The following PCDH15 variants were observed in gnomAD, a reference collection of about 807,000 sequenced individuals.
PCDH15 encodes protocadherin-15.
A neutral mutation model predicts 178.5 loss-of-function variants in PCDH15; 129 were observed. That is an observed-to-expected ratio of 0.72 (90% CI 0.63 to 0.84). The LOEUF (loss-of-function observed/expected upper bound fraction) is 0.84, where lower values mean the gene tolerates loss of function less well. Ranked by LOEUF, PCDH15 falls within the 40% of genes least tolerant of loss-of-function variation. PCDH15 has a pLI of 0.00. For synonymous variants in PCDH15, 800 were observed against 732.0 expected (o/e 1.09, Z -1.50); for missense variants, 2,230 against 2,099.9 (o/e 1.06, Z -1.21).
At chr10:54,134,709 C>A (rs1043234374) in intron 14 of PCDH15, among the ~76,000 whole-genome samples, 11 of 149,462 alleles carry the variant, frequency 7.4e-5, no homozygotes, top group Admixed American at 4.7e-4. Flanking sequence ...GCCAAGATTG[C>A]GCCACTGCAC....
chr10:54,692,482 T>A (rs117062321), intron 1 of PCDH15, among the ~76,000 whole-genome samples: 1,928 of 152,320 alleles, frequency 0.013, 28 homozygotes, highest in South Asian at 0.036. Context: ...TCTGAAATCA[T>A]AGTCTTTGTA....
At chr10:54,406,436 T>C (rs1952676640) in intron 3 of PCDH15, among the ~76,000 whole-genome samples, 1 of 152,144 alleles carries the variant, frequency 6.6e-6, no homozygotes, top group Non-Finnish European at 1.5e-5. Context: ...GGGACACATA[T>C]GAGGTGTCTG....
At chr10:54,215,147 A>G (rs907371824) in intron 9 of PCDH15, among the ~76,000 whole-genome samples, 1 of 151,646 alleles carries the variant, frequency 6.6e-6, no homozygotes, top group African/African-American at 2.4e-5. Flanking sequence ...AATCATTTAC[A>G]TTTTACAGAT....
chr10:53,881,901 A>C (rs2080746898), intron 26 of PCDH15, among the ~76,000 whole-genome samples: 2 of 152,130 alleles, frequency 1.3e-5, no homozygotes, highest in Non-Finnish European at 2.9e-5. Flanking sequence ...AGTTGGCCCC[A>C]AAACAATTTA....
chr10:55,611,628 T>C (rs1466735814), intron 2 of PCDH15, among the ~76,000 whole-genome samples: 2 of 152,002 alleles, frequency 1.3e-5, no homozygotes, highest in Non-Finnish European at 2.9e-5. Context: ...ATAATTACTA[T>C]ATGACCCAGA....
At chr10:55,393,500 G>C (rs903615741) in intron 2 of PCDH15, among the ~76,000 whole-genome samples, 1 of 152,110 alleles carries the variant, frequency 6.6e-6, no homozygotes, top group Non-Finnish European at 1.5e-5. Context: ...TGTAAACTGA[G>C]AGACCAAAAC....
At chr10:54,290,737 G>A (rs1380049828) in intron 8 of PCDH15, among the ~76,000 whole-genome samples, 2 of 152,122 alleles carry the variant, frequency 1.3e-5, no homozygotes, top group Admixed American at 1.3e-4. Flanking sequence ...AAAAGCAGGG[G>A]TTGCAATCTT....
At chr10:54,604,200 G>C (rs1190673380) in intron 2 of PCDH15, among the ~76,000 whole-genome samples, 2 of 151,898 alleles carry the variant, frequency 1.3e-5, no homozygotes, top group African/African-American at 2.4e-5. Context: ...TCTAATAGGT[G>C]ATCTATTGTG....
chr10:54,272,446 A>G (rs1245792936), intron 8 of PCDH15, among the ~76,000 whole-genome samples: 2 of 152,104 alleles, frequency 1.3e-5, no homozygotes, highest in African/African-American at 4.8e-5. Flanking sequence ...AATTAAAATT[A>G]TTTCTGTCAG....
At chr10:54,695,385 T>A (rs2095206373) in intron 1 of PCDH15, among the ~76,000 whole-genome samples, 1 of 152,130 alleles carries the variant, frequency 6.6e-6, no homozygotes, top group Non-Finnish European at 1.5e-5. Context: ...TGCAGATGTT[T>A]GAAGTTAGCA....
chr10:55,021,676 G>T (rs1223887095), intron 2 of PCDH15, among the ~76,000 whole-genome samples: 1 of 152,180 alleles, frequency 6.6e-6, no homozygotes, highest in Non-Finnish European at 1.5e-5. Flanking sequence ...GGCTGTTGTT[G>T]TAGATGTTGG....
At chr10:55,466,586 T>C (rs1390618446) in intron 2 of PCDH15, among the ~76,000 whole-genome samples, 1 of 152,034 alleles carries the variant, frequency 6.6e-6, no homozygotes, top group Non-Finnish European at 1.5e-5. Flanking sequence ...ATACAGCTAA[T>C]CCCTGGTCAA....
chr10:54,310,891 C>A (rs985764432), intron 8 of PCDH15, among the ~76,000 whole-genome samples: 6 of 151,992 alleles, frequency 3.9e-5, no homozygotes, highest in Non-Finnish European at 7.4e-5. Context: ...TGAGAAAAAA[C>A]GGTACTTCCA....
Position 54,230,651 on chromosome 10 carries a change from T to TA in PCDH15, c.985+6171dup, listed in dbSNP as rs562851991. ...ACCTACCACAGTTAATGAAGGTTGA[T>TA]AAAAAAATTTAAACCAAGGTTTCTG... On this transcript the variant is annotated intron_variant, in intron 9 of 37. Transcript: ENST00000644397. 5.2e-3 allele frequency among the ~76,000 whole-genome samples: 795 copies of TA among 152,218 alleles called. 9 individuals are homozygous for TA. Among genetic ancestry groups the TA allele is most frequent in the African/African-American group, 0.018 (758 of 41,536 alleles).
chr10:54,390,332 G>A (rs936670434), intron 3 of PCDH15, among the ~76,000 whole-genome samples: 4 of 152,028 alleles, frequency 2.6e-5, no homozygotes, highest in African/African-American at 7.2e-5. Context: ...TCGTTCTGTC[G>A]CCCAGGCTGG....
intron 3 of PCDH15, among the ~76,000 whole-genome samples, chr10:54,518,695 T>C (rs1022433062): frequency 1.5e-3 from 221 of 152,272 alleles, no homozygotes; most frequent in Non-Finnish European, 2.2e-3. Context: ...GAGGGAATCC[T>C]CCCTAACTCA....
In PCDH15 at chr10:53,806,903, C is replaced by T. The variant is rs1841207367; in HGVS notation, c.4899G>A (p.Gly1633=). 1 of 1,613,838 alleles carries T rather than the reference C, an allele frequency of 6.2e-7. No individual in the cohort carries two copies. Among genetic ancestry groups the T allele is most frequent in the Non-Finnish European group, 8.5e-7 (1 of 1,179,830 alleles). ...LKVASPVRLG[G]PFKKLDKLAV... ...CCAACTTGTCTAGTTTCTTAAAGGGCCCTCCCAGTCGAACAGGGGAAGCAA... is the reference window on the plus strand; with the variant it reads ...CCAACTTGTCTAGTTTCTTAAAGGGTCCTCCCAGTCGAACAGGGGAAGCAA... Residue 1633 remains glycine, a synonymous_variant, in exon 38 of 38, where the codon GGG becomes GGA. Coordinates refer to ENST00000644397, the MANE Select transcript of PCDH15 (RefSeq NM_001384140.1).
At chr10:55,149,409 A>C (rs1057243331) in intron 2 of PCDH15, among the ~76,000 whole-genome samples, 3 of 152,064 alleles carry the variant, frequency 2.0e-5, no homozygotes, top group African/African-American at 4.8e-5. Flanking sequence ...ATATACTTAC[A>C]CATATAGTAT....
intron 3 of PCDH15, among the ~76,000 whole-genome samples, chr10:54,860,990 A>G (rs1380181183): frequency 6.6e-6 from 1 of 152,162 alleles, no homozygotes; most frequent in Non-Finnish European, 1.5e-5. Flanking sequence ...CTCTGTCCCA[A>G]TAATTTAATT....
Sources: allele counts gnomAD v4.1 joint callset (sites outside exome capture counted in the v4.1 genomes callset), GRCh38; gene constraint gnomAD v4.1.1; transcripts MANE v1.5; gene names NCBI Gene and HGNC (gene_info 2026-07-23, HGNC 2026-07-21).